TBC1D15: variants seen among roughly 807,000 people sequenced by gnomAD.
TBC1D15 encodes the protein GAP for RAB7.
TBC1D15 carries 39 observed loss-of-function variants against 95.4 expected under a neutral mutation model. The observed-to-expected ratio is 0.41, with a 90% CI of 0.32 to 0.53. TBC1D15 has a LOEUF of 0.53. TBC1D15 is among the 20% of genes least tolerant of loss of function. TBC1D15 has a pLI of 0.29. For missense variants in TBC1D15, 733 were observed against 794.3 expected, an observed-to-expected ratio of 0.92 and a Z score of 0.93; for synonymous variants, 258 against 261.3, an observed-to-expected ratio of 0.99 and a Z score of 0.12.
Position 71,893,223 on chromosome 12 carries a change from T to A in TBC1D15, c.556T>A (p.Ser186Thr). The A allele has an allele frequency of 6.3e-7, 1 of 1,588,208 alleles. No individual in the cohort carries two copies. Among genetic ancestry groups the A allele is most frequent in the Non-Finnish European group, 8.6e-7 (1 of 1,166,162 alleles). ...SLEKYVVLCE[S>T]PQDKRTLLVN... Reference sequence around the variant, plus strand: ...TACAAATCCTCTTTTTTATTATAGATCTCCACAGGATAAAAGAACACTTCT... The same window carrying A: ...TACAAATCCTCTTTTTTATTATAGAACTCCACAGGATAAAAGAACACTTCT... The change falls in exon 6 of 17, where the codon TCT becomes ACT. Residue 186 changes from serine (S) to threonine (T), a missense_variant and splice_region_variant. Coordinates refer to ENST00000485960, the MANE Select transcript of TBC1D15 (RefSeq NM_001146213.3).
At chr12:71,865,199 G>A (rs921912270) in intron 1 of TBC1D15, among the ~76,000 whole-genome samples, 2 of 152,210 alleles carry the variant, frequency 1.3e-5, no homozygotes, top group African/African-American at 4.8e-5. Flanking sequence ...TTGGGATGCA[G>A]GTTTGCCTGC....
intron 1 of TBC1D15, among the ~76,000 whole-genome samples, chr12:71,861,790 A>G (rs540906664): frequency 1.3e-5 from 1 of 76,996 alleles, no homozygotes. Flanking sequence ...GTTTATTTGA[A>G]CTCTTCCTGT....
In TBC1D15 at chr12:71,859,294, G is replaced by GT. The variant is rs543381012; in HGVS notation, c.31-12775dup. ...CTTATTTGCCCATTTTGAAATTGGA[G>GT]TATTTTTTTTTCTGTTGAGGTTTTC... On this transcript the variant is annotated intron_variant, in intron 1 of 16. Coordinates refer to ENST00000485960, the MANE Select transcript of TBC1D15 (RefSeq NM_001146213.3). 3.3e-3 allele frequency among the ~76,000 whole-genome samples: 495 copies of GT among 150,974 alleles called. 1 individual carries two copies. Among genetic ancestry groups the GT allele is most frequent in the African/African-American group, 0.012 (476 of 40,444 alleles).
rs57095362 is a variant in TBC1D15, at chr12:71,874,621, A to ATT, written c.204+1636_204+1637dup. Among the ~76,000 whole-genome samples the ATT allele has an allele frequency of 9.3e-3, 1,142 of 122,262 alleles. 29 individuals carry two copies. The highest frequency in any genetic ancestry group is 0.032 in the African/African-American group (1,016 of 32,010). The allele number at this position is 122,262 out of a possible 152,430, so 80.2% of individuals were successfully genotyped here. A position where few individuals can be genotyped will look rare whatever the true frequency, so the allele number is the denominator to read the frequency against. ...GCCCATTTATTTATTTATATTTACTATTTTTTTTTTTTTTTTTTTGAGACG... is the reference window on the plus strand; with the variant it reads ...GCCCATTTATTTATTTATATTTACTATTTTTTTTTTTTTTTTTTTTTGAGACG... On this transcript the variant is annotated intron_variant, in intron 3 of 16. Transcript: ENST00000485960.
chr12:71,923,461 G>T lies in TBC1D15; in HGVS notation c.*257G>T, dbSNP rs1870185464. ...AAGTACATTTTATTTTCTTGCTGAT[G>T]AACTGGAATTGGATAAATATTGCAA... On this transcript the variant is annotated 3_prime_UTR_variant, in exon 17 of 17. Transcript: ENST00000485960. 5.4e-6 allele frequency: 2 copies of T among 370,052 alleles called. No individual in the cohort carries two copies. Among genetic ancestry groups the T allele is most frequent in the Non-Finnish European group, 9.8e-6 (2 of 204,286 alleles). 22.9% of individuals were successfully genotyped at this position (370,052 alleles called of 1,614,324 possible). A position where few individuals can be genotyped will look rare whatever the true frequency, so the allele number is the denominator to read the frequency against.
chr12:71,840,022 G>A (rs1053038815), intron 1 of TBC1D15, among the ~76,000 whole-genome samples: 1 of 152,126 alleles, frequency 6.6e-6, no homozygotes, highest in Admixed American at 6.5e-5. Flanking sequence ...TCCAAGGCCA[G>A]CTAGGCCTCG....
At chr12:71,909,598 G>T (rs1901678689) in intron 11 of TBC1D15, among the ~76,000 whole-genome samples, 2 of 152,118 alleles carry the variant, frequency 1.3e-5, no homozygotes, top group South Asian at 4.1e-4. Flanking sequence ...TGATCCTCAA[G>T]ATTTTTGTTT....
chr12:71,903,771 A>T (rs1274504735), intron 10 of TBC1D15, among the ~76,000 whole-genome samples: 1 of 152,208 alleles, frequency 6.6e-6, no homozygotes. Flanking sequence ...AACCAATACC[A>T]CATGTTCTCA....
chr12:71,862,655 G>A (rs1486193848), intron 1 of TBC1D15, among the ~76,000 whole-genome samples: 2 of 152,134 alleles, frequency 1.3e-5, no homozygotes, highest in Non-Finnish European at 2.9e-5. Flanking sequence ...GTTATTGATA[G>A]GTGAGGATTT....
intron 11 of TBC1D15, chr12:71,913,568 A>AGT: frequency 3.1e-6 from 1 of 327,486 alleles, no homozygotes; most frequent in South Asian, 3.6e-5. Context: ...CACTCTTGAT[A>AGT]GTGTATCTGC....
intron 6 of TBC1D15, 65 bp downstream of exon 6, chr12:71,893,389 A>C: frequency 2.7e-5 from 29 of 1,093,174 alleles, no homozygotes; most frequent in Non-Finnish European, 3.6e-5. Flanking sequence ...TGTACTTCTC[A>C]TCTTCTCAGA....
At chr12:71,854,926 G>T in intron 1 of TBC1D15, 1 of 450,376 alleles carries the variant, frequency 2.2e-6, no homozygotes. Flanking sequence ...CTTGAGATTT[G>T]ATTTAGATCC....
chr12:71,848,257 A>G (rs1196625501), intron 1 of TBC1D15, among the ~76,000 whole-genome samples: 1 of 152,220 alleles, frequency 6.6e-6, no homozygotes. Context: ...GCATTTTAAC[A>G]CACTGCCAAA....
chr12:71,910,614 C>G (rs1337175049), intron 11 of TBC1D15, among the ~76,000 whole-genome samples: 1 of 151,980 alleles, frequency 6.6e-6, no homozygotes, highest in African/African-American at 2.4e-5. Context: ...ATTTTATTCT[C>G]TTTGAAGCAA....
chr12:71,863,356 C>T (rs1322598444), intron 1 of TBC1D15, among the ~76,000 whole-genome samples: 6 of 151,730 alleles, frequency 4.0e-5, no homozygotes, highest in African/African-American at 7.3e-5. Context: ...CCAGCCTGGG[C>T]GACAGAGTGA....
intron 5 of TBC1D15, among the ~76,000 whole-genome samples, chr12:71,889,466 A>G (rs528304754): frequency 3.1e-4 from 47 of 152,282 alleles, no homozygotes; most frequent in African/African-American, 1.1e-3. Context: ...TCCTGTCACA[A>G]ATTATGCCCA....
intron 1 of TBC1D15, among the ~76,000 whole-genome samples, chr12:71,843,482 C>G (rs887851712): frequency 6.6e-6 from 1 of 151,986 alleles, no homozygotes; most frequent in Non-Finnish European, 1.5e-5. Flanking sequence ...GACTTGTTTT[C>G]CTAGACTGGA....
chr12:71,876,546 G>T (rs1466896039), intron 3 of TBC1D15, among the ~76,000 whole-genome samples: 1 of 151,998 alleles, frequency 6.6e-6, no homozygotes, highest in Non-Finnish European at 1.5e-5. Flanking sequence ...CTTTCCTGGG[G>T]GTTCTTTTTT....
Position 71,840,768 on chromosome 12 carries a change from A to G in TBC1D15, c.30+957A>G, listed in dbSNP as rs1364160404. On this transcript the variant is annotated intron_variant, in intron 1 of 16. Transcript: ENST00000485960. The stretch of plus-strand genomic sequence containing the variant: ...TGCTTTCCCTACCCCATTTTGAATT[A>G]TTTGACAGCGTTTGTGGTTTGGTGT... 3.3e-5 allele frequency among the ~76,000 whole-genome samples: 5 copies of G among 152,102 alleles called. No individual in the cohort carries two copies. In the East Asian group the frequency reaches 9.6e-4, roughly 29 times the overall value.
Sources: allele counts gnomAD v4.1 joint callset (sites outside exome capture counted in the v4.1 genomes callset), GRCh38; gene constraint gnomAD v4.1.1; transcripts MANE v1.5; gene names NCBI Gene and HGNC (gene_info 2026-07-23, HGNC 2026-07-21).